Variants in CSMD1 observed in about 807,000 individuals in gnomAD.
The protein encoded by CSMD1 is CUB and Sushi multiple domains 1.
In CSMD1, 213 loss-of-function variants were observed where a neutral mutation model predicts 417.5. The ratio of observed to expected loss-of-function variants is 0.51; its 90% CI spans 0.46 to 0.57. The LOEUF is 0.57. Among genes scored for constraint, CSMD1 ranks in the 20% least tolerant of loss-of-function variants. The pLI, the probability that CSMD1 is intolerant of heterozygous loss-of-function variation, is 0.00. For synonymous variants in CSMD1, 2,862 were observed against 1,736.8 expected, an observed-to-expected ratio of 1.65 and a Z score of -16.11; for missense variants, 6,923 against 4,529.7, an observed-to-expected ratio of 1.53 and a Z score of -15.17.
intron 3 of CSMD1, among the ~76,000 whole-genome samples, chr8:4,278,038 C>G (rs939857666): frequency 6.6e-6 from 1 of 152,092 alleles, no homozygotes; most frequent in African/African-American, 2.4e-5. Context: ...TGAGCCACGG[C>G]GCCCAACCCC....
At chr8:3,925,908 A>C (rs750619038) in intron 5 of CSMD1, among the ~76,000 whole-genome samples, 4 of 152,010 alleles carry the variant, frequency 2.6e-5, no homozygotes, top group Admixed American at 1.3e-4. Flanking sequence ...TACTATCTGC[A>C]TAACAAAATG....
chr8:3,170,028 G>A lies in CSMD1; in HGVS notation c.5726-7751C>T, dbSNP rs185266128. ...GTGCGGCCTGACCCCAGCCAATGGGGAAAGGACACAAGTGCAGGAGTCGCG... is the reference window on the plus strand; with the variant it reads ...GTGCGGCCTGACCCCAGCCAATGGGAAAAGGACACAAGTGCAGGAGTCGCG... On this transcript the variant is annotated intron_variant, in intron 37 of 69. Coordinates refer to ENST00000635120, the MANE Select transcript of CSMD1 (RefSeq NM_033225.6). Among the ~76,000 whole-genome samples, 297 of 152,338 alleles carry A rather than the reference G, an allele frequency of 1.9e-3. 1 individual carries two copies. Among genetic ancestry groups the A allele is most frequent in the African/African-American group, 6.9e-3 (285 of 41,586 alleles).
intron 5 of CSMD1, among the ~76,000 whole-genome samples, chr8:3,782,916 G>T (rs751682991): frequency 6.6e-6 from 1 of 152,180 alleles, no homozygotes; most frequent in South Asian, 2.1e-4. Flanking sequence ...AAATAAAACT[G>T]TGGTTAAAAA....
chr8:3,924,011 T>C (rs117716939), intron 5 of CSMD1, among the ~76,000 whole-genome samples: 1 of 152,234 alleles, frequency 6.6e-6, no homozygotes, highest in African/African-American at 2.4e-5. Flanking sequence ...TGTGCTTTCT[T>C]GCTGCTAATA....
At chr8:3,483,897 T>C (rs1029178396) in intron 11 of CSMD1, among the ~76,000 whole-genome samples, 1 of 152,174 alleles carries the variant, frequency 6.6e-6, no homozygotes, top group Admixed American at 6.5e-5. Context: ...ACATGATATA[T>C]CAGCTAATGC....
rs138551637 is a variant in CSMD1, at chr8:3,810,069, T to C, written c.819-56027A>G. 4.6e-5 allele frequency among the ~76,000 whole-genome samples: 7 copies of C among 152,308 alleles called. 1 individual carries two copies. Among genetic ancestry groups the C allele is most frequent in the Admixed American group, 1.3e-4 (2 of 15,300 alleles). ...CTGTCACACCTACATATTTTTATTA[T>C]CATGCTTGTCACATTTAAATGTTTA... On this transcript the variant is annotated intron_variant, in intron 5 of 69. Transcript: ENST00000635120.
chr8:3,442,699 T>C (rs1253258490), intron 12 of CSMD1, among the ~76,000 whole-genome samples: 1 of 152,202 alleles, frequency 6.6e-6, no homozygotes, highest in East Asian at 1.9e-4. Context: ...ATCCCTGTTG[T>C]TGTTAAGCAA....
chr8:4,817,421 G>A (rs1259599154), intron 1 of CSMD1, among the ~76,000 whole-genome samples: 1 of 152,206 alleles, frequency 6.6e-6, no homozygotes, highest in Non-Finnish European at 1.5e-5. Context: ...GCACAGCACA[G>A]CAAGTGTTTT....
At chr8:3,793,212 C>T (rs529058652) in intron 5 of CSMD1, among the ~76,000 whole-genome samples, 7 of 152,278 alleles carry the variant, frequency 4.6e-5, no homozygotes, top group East Asian at 1.9e-4. Context: ...TTCTCTCAAC[C>T]GCTATGGTCT....
intron 1 of CSMD1, among the ~76,000 whole-genome samples, chr8:4,717,418 C>CGA (rs1808739726): frequency 6.7e-6 from 1 of 149,682 alleles, no homozygotes; most frequent in African/African-American, 2.5e-5. Flanking sequence ...TACACACACA[C>CGA]TATATATATA....
rs1554487181 is a variant in CSMD1, at chr8:4,461,756, T to TTA, written c.303-41692_303-41691insTA. ...TTATTTACTTATTTTTTTTTTTTTT[T>TTA]TGGAGATGGAGTCTCGCTCTGTCAC... On this transcript the variant is annotated intron_variant, in intron 2 of 69. Transcript: ENST00000635120. Among the ~76,000 whole-genome samples, 1,204 of 147,666 alleles carry TTA rather than the reference T, an allele frequency of 8.2e-3. 23 individuals carry two copies. The highest frequency in any genetic ancestry group is 0.025 in the African/African-American group (988 of 39,848).
At chr8:3,513,177 T>A (rs933965125) in intron 10 of CSMD1, among the ~76,000 whole-genome samples, 1 of 152,126 alleles carries the variant, frequency 6.6e-6, no homozygotes, top group African/African-American at 2.4e-5. Flanking sequence ...TAGACTTTAC[T>A]CTGGCAAACT....
chr8:4,844,094 G>T (rs1053671907), intron 1 of CSMD1, among the ~76,000 whole-genome samples: 1 of 152,140 alleles, frequency 6.6e-6, no homozygotes, highest in Non-Finnish European at 1.5e-5. Context: ...AATAATGCAT[G>T]AAGTGTTTGT....
intron 25 of CSMD1, among the ~76,000 whole-genome samples, chr8:3,292,983 T>C (rs971056102): frequency 2.0e-5 from 3 of 152,168 alleles, no homozygotes; most frequent in Admixed American, 6.5e-5. Flanking sequence ...CCTTTCCATG[T>C]TTAGTGCTTC....
At chr8:3,584,874 G>T (rs569734573) in intron 9 of CSMD1, among the ~76,000 whole-genome samples, 10 of 152,076 alleles carry the variant, frequency 6.6e-5, no homozygotes, top group Non-Finnish European at 8.8e-5. Context: ...AGCCCTAGTG[G>T]GAACATGAAT....
intron 3 of CSMD1, among the ~76,000 whole-genome samples, chr8:4,416,737 G>A (rs1796963081): frequency 6.6e-6 from 1 of 152,036 alleles, no homozygotes; most frequent in Non-Finnish European, 1.5e-5. Flanking sequence ...AGTCTAATAT[G>A]TGTCAGCCTT....
At chr8:4,216,938 A>G (rs1800713788) in intron 3 of CSMD1, among the ~76,000 whole-genome samples, 1 of 152,148 alleles carries the variant, frequency 6.6e-6, no homozygotes, top group South Asian at 2.1e-4. Context: ...AACAGCTCCA[A>G]CAAACCTTTT....
At chr8:4,974,658 T>C (rs1354666663) in intron 1 of CSMD1, among the ~76,000 whole-genome samples, 2 of 152,202 alleles carry the variant, frequency 1.3e-5, no homozygotes, top group Non-Finnish European at 2.9e-5. Flanking sequence ...GGAAGGCATG[T>C]ACAAATAATG....
rs1563319213 is a variant in CSMD1 at position 4,761,883 on chromosome 8, CTAT to C, written c.86-124328_86-124326del. ...TCTATCTATCTATCTATCTATCTAT[CTAT>C]CTACCTACCTATCTATCTATCTATC... On this transcript the variant is annotated intron_variant, in intron 1 of 69. Coordinates refer to ENST00000635120, the MANE Select transcript of CSMD1 (RefSeq NM_033225.6). Among the ~76,000 whole-genome samples, 31 of 76,152 alleles carry C rather than the reference CTAT, an allele frequency of 4.1e-4. No individual in the cohort carries two copies. In the East Asian group the frequency reaches 6.3e-3, roughly 15 times the overall value. 50.0% of individuals were successfully genotyped at this position (76,152 alleles called of 152,430 possible).
Sources: gnomAD v4.1 joint callset for allele counts (sites outside exome capture counted in the v4.1 genomes callset) on GRCh38, gnomAD v4.1.1 for gene constraint, MANE v1.5 for transcripts, NCBI Gene and HGNC (gene_info 2026-07-23, HGNC 2026-07-21) for gene names.